Variants in MTIF2 observed in about 807,000 individuals in gnomAD.
The protein encoded by MTIF2 is mitochondrial translational initiation factor 2.
In MTIF2, 71 loss-of-function variants were observed where a neutral mutation model predicts 83.5. The observed-to-expected ratio is 0.85, with a 90% CI of 0.70 to 1.04. MTIF2 has a LOEUF of 1.04. Among genes scored for constraint, MTIF2 ranks in the 50% least tolerant of loss-of-function variants. MTIF2 has a pLI of 0.00. For missense variants in MTIF2, 957 were observed against 846.5 expected (o/e 1.13, Z -1.62); for synonymous variants, 319 against 287.1 (o/e 1.11, Z -1.12).
In MTIF2 at chr2:55,265,465, T is replaced by C. The variant is rs185905650; in HGVS notation, c.-7-1600A>G. ...TGACTGATTATAACCTAGGGTCGTG[T>C]TTTCATTGCAATAATATGCAAAATT... On this transcript the variant is annotated intron_variant, in intron 3 of 15. Transcript: ENST00000263629. Among the ~76,000 whole-genome samples, 161 of 151,886 alleles carry C rather than the reference T, an allele frequency of 1.1e-3. 2 individuals are homozygous for C. In the Middle Eastern group the frequency reaches 0.017, roughly 16 times the overall value.
At chr2:55,243,835 T>C (rs1200773533) in intron 11 of MTIF2, among the ~76,000 whole-genome samples, 167 bp from the exon 12 acceptor site, 3 of 152,224 alleles carry the variant, frequency 2.0e-5, no homozygotes, top group Non-Finnish European at 2.9e-5. Context: ...GCTTGTATAA[T>C]TGAAATGATT....
chr2:55,253,508 G>A (rs930438359), intron 7 of MTIF2, among the ~76,000 whole-genome samples: 3 of 151,686 alleles, frequency 2.0e-5, no homozygotes, highest in East Asian at 3.9e-4. Flanking sequence ...GCAAAACCCC[G>A]TCTCTACTAA....
intron 9 of MTIF2, among the ~76,000 whole-genome samples, chr2:55,246,983 T>C (rs1047949888): frequency 1.3e-5 from 2 of 152,160 alleles, no homozygotes; most frequent in Admixed American, 6.6e-5. Context: ...AAGCACTAAC[T>C]AGAGATCTAG....
intron 2 of MTIF2, among the ~76,000 whole-genome samples, chr2:55,268,023 C>A (rs1433641199): frequency 6.6e-6 from 1 of 152,060 alleles, no homozygotes; most frequent in South Asian, 2.1e-4. Context: ...GAGGTCGAGG[C>A]GGGCGGATCA....
intron 5 of MTIF2, among the ~76,000 whole-genome samples, chr2:55,260,871 C>T (rs904994810): frequency 6.6e-6 from 1 of 151,796 alleles, no homozygotes; most frequent in Non-Finnish European, 1.5e-5. Flanking sequence ...AATTTTGTTT[C>T]AAAAATCCTA....
intron 4 of MTIF2, 99 bp downstream of exon 4, chr2:55,263,541 C>T (rs931393373): frequency 1.7e-5 from 15 of 864,238 alleles, no homozygotes; most frequent in African/African-American, 6.8e-5. Context: ...ACCCAAGAGG[C>T]GTAGGTTGCG....
intron 5 of MTIF2, among the ~76,000 whole-genome samples, chr2:55,257,332 T>C (rs575325299): frequency 6.6e-6 from 1 of 152,094 alleles, no homozygotes; most frequent in Non-Finnish European, 1.5e-5. Flanking sequence ...ATACAAAAAA[T>C]TAGCTGGGCA....
In MTIF2 at chr2:55,246,317, A is replaced by G; in HGVS notation, c.1106+20T>C. 1.9e-6 allele frequency: 3 copies of G among 1,577,620 alleles called. No homozygotes were observed. The East Asian group carries it at 6.7e-5, about 35-fold the overall frequency. On this transcript the variant is annotated intron_variant, in intron 10 of 15. Transcript: ENST00000263629. Reference sequence around the variant, plus strand: ...AAACCACAGAACAAATTAAAAAGGCAAGCATTTTAAGAGTCCTACCCTCTT... The same window carrying G: ...AAACCACAGAACAAATTAAAAAGGCGAGCATTTTAAGAGTCCTACCCTCTT...
intron 5 of MTIF2, among the ~76,000 whole-genome samples, chr2:55,260,259 C>T: frequency 6.6e-6 from 1 of 151,596 alleles, no homozygotes; most frequent in Admixed American, 6.6e-5. Flanking sequence ...ATTAGCCGGG[C>T]GTGGTGGCAC....
At position 55,243,471 on chromosome 2, in the gene MTIF2, T is replaced by C; in HGVS notation, c.1509A>G (p.Leu503=). The change falls in exon 12 of 16, where the codon TTA becomes TTG. Residue 503 remains leucine (L), a synonymous_variant. Transcript: ENST00000263629. ...RFLERKEQIP[L]KPKEKRERDS... is the part of the protein sequence containing the mutation. ...CTCTTTCCCTTTTCTCTTTTGGCTT[T>C]AAGGGTATTTGTTCTTTTCTTTCTA... 6.2e-7 allele frequency: 1 copy of C among 1,613,554 alleles called. No homozygotes were observed. Among genetic ancestry groups the C allele is most frequent in the Non-Finnish European group, 8.5e-7 (1 of 1,179,556 alleles).
At chr2:55,237,775 C>T (rs770183970) in intron 14 of MTIF2, among the ~76,000 whole-genome samples, 8 of 151,052 alleles carry the variant, frequency 5.3e-5, no homozygotes, top group African/African-American at 1.2e-4. Flanking sequence ...CTCAGCCTCC[C>T]GAGTAGCTGG....
chr2:55,261,020 T>G (rs1189349549), intron 5 of MTIF2, among the ~76,000 whole-genome samples: 1 of 151,862 alleles, frequency 6.6e-6, no homozygotes, highest in Non-Finnish European at 1.5e-5. Flanking sequence ...GGAGTCTCGC[T>G]CTGTCGTCCA....
chr2:55,249,574 C>G (rs745460789), intron 8 of MTIF2, 40 bp from the exon 9 acceptor site: 1 of 1,597,272 alleles, frequency 6.3e-7, no homozygotes, highest in Non-Finnish European at 8.6e-7. Context: ...AATGATGACA[C>G]CTTCAATTCC....
chr2:55,245,308 G>A (rs1270151125), intron 10 of MTIF2, among the ~76,000 whole-genome samples: 2 of 152,124 alleles, frequency 1.3e-5, no homozygotes, highest in Non-Finnish European at 2.9e-5. Context: ...GATCACCTGA[G>A]GTCAGGAGTT....
At position 55,249,416 on chromosome 2, in the gene MTIF2, T is replaced by C; in HGVS notation, c.960A>G (p.Ala320=). 1 of 1,614,166 alleles carries C rather than the reference T, an allele frequency of 6.2e-7. No individual in the cohort carries two copies. The highest frequency in any genetic ancestry group is 1.1e-5 in the South Asian group (1 of 91,062). Residue 320 remains alanine (A), a synonymous_variant, in exon 9 of 16, where the codon GCA becomes GCG. Transcript: ENST00000263629. ...TTACCGTAAGTGCGGAGACAGGCAC[T>C]GCTTGAACATCACCTCCATAATCTT... ...VCEDYGGDVQ[A]VPVSALTGDN... is the part of the protein sequence containing the mutation.
rs372966450 is a variant in MTIF2 at position 55,253,382 on chromosome 2, G to C, written c.664+659C>G. On this transcript the variant is annotated intron_variant, in intron 7 of 15. Coordinates refer to ENST00000263629, the MANE Select transcript of MTIF2 (RefSeq NM_002453.3). ...AACTAAGAATGAGCTAGAATTAAAA[G>C]TTAACACAATTTTCAGCCAGGCGCG... Among the ~76,000 whole-genome samples, 4 of 152,214 alleles carry C rather than the reference G, an allele frequency of 2.6e-5. No homozygotes were observed. In the East Asian group the frequency reaches 7.7e-4, roughly 29 times the overall value.
Position 55,249,519 on chromosome 2 carries a change from G to A in MTIF2, c.857C>T (p.Ala286Val), listed in dbSNP as rs1197124344. 1 of 1,613,902 alleles carries A rather than the reference G, an allele frequency of 6.2e-7. No individual in the cohort carries two copies. Among genetic ancestry groups the A allele is most frequent in the Non-Finnish European group, 8.5e-7 (1 of 1,179,950 alleles). ...CTCAGCTTTGTCACATTTATTTACG[G>A]CAAGGATAATAGGAACTGAAAGAAA... Reference protein sequence around the residue: ...AKDAQVPIILAVNKCDKAEAD... With the variant: ...AKDAQVPIILVVNKCDKAEAD... Residue 286 changes from alanine (A) to valine (V), a missense_variant, in exon 9 of 16, where the codon GCC (alanine) becomes GTC (valine). Transcript: ENST00000263629.
intron 11 of MTIF2, 91 bp downstream of exon 11, chr2:55,243,938 A>T: frequency 8.8e-7 from 1 of 1,139,782 alleles, no homozygotes; most frequent in Non-Finnish European, 1.2e-6. Context: ...TAGATTTGTT[A>T]ACATTAATAC....
chr2:55,252,803 T>C (rs1217720657), intron 7 of MTIF2, 150 bp from the exon 8 acceptor site: 2 of 575,192 alleles, frequency 3.5e-6, no homozygotes, highest in East Asian at 5.9e-5. Flanking sequence ...CAGATCATCA[T>C]TTCACAATGA....
Sources: allele counts gnomAD v4.1 joint callset (sites outside exome capture counted in the v4.1 genomes callset), GRCh38; gene constraint gnomAD v4.1.1; transcripts MANE v1.5; gene names NCBI Gene and HGNC (gene_info 2026-07-23, HGNC 2026-07-21).